Variants in GPD2 observed in about 807,000 individuals in gnomAD.
The protein encoded by GPD2 is glycerol-3-phosphate dehydrogenase, mitochondrial.
Under a neutral mutation model 82.4 loss-of-function variants are expected in GPD2, and 54 were observed. That is an observed-to-expected ratio of 0.66 (90% confidence interval 0.53 to 0.82). GPD2 has a LOEUF of 0.82. Among genes scored for constraint, GPD2 ranks in the 40% least tolerant of loss-of-function variants. The pLI, the probability that GPD2 is intolerant of heterozygous loss-of-function variation, is 0.00. For synonymous variants in GPD2, 288 were observed against 306.1 expected, an observed-to-expected ratio of 0.94 and a Z score of 0.62; for missense variants, 748 against 896.2, an observed-to-expected ratio of 0.83 and a Z score of 2.11.
At position 156,561,209 on chromosome 2, in the gene GPD2, G is replaced by A. The variant is rs192645905; in HGVS notation, c.1165+3627G>A. Among the ~76,000 whole-genome samples, 133 of 151,600 alleles carry A rather than the reference G, an allele frequency of 8.8e-4. 3 individuals carry two copies. The highest frequency in any genetic ancestry group is 2.3e-3 in the African/African-American group (93 of 41,326). On this transcript the variant is annotated intron_variant, in intron 9 of 16. Transcript: ENST00000438166. ...ATTACAGGCACACGCCACCACACCCGGCTAATTTTTGTATTTTTAGTACAG... is the reference window on the plus strand; with the variant it reads ...ATTACAGGCACACGCCACCACACCCAGCTAATTTTTGTATTTTTAGTACAG...
At chr2:156,426,532 A>C in the GPD2 span, among the ~76,000 whole-genome samples, 1 of 152,242 alleles carries the variant, frequency 6.6e-6, no homozygotes, top group Non-Finnish European at 1.5e-5. Context: ...GGGTAGGGAC[A>C]CAAAGCCTAA....
At chr2:156,553,571 A>C (rs1021691790) in intron 8 of GPD2, among the ~76,000 whole-genome samples, 18 of 152,104 alleles carry the variant, frequency 1.2e-4, no homozygotes, top group Non-Finnish European at 1.9e-4. Flanking sequence ...TGAAAATGAA[A>C]ATTGAAAGCC....
rs78078287 is a variant in GPD2, at chr2:156,535,629, G to A, written c.662-13979G>A. ...GGCTTACCTCTTTATTTGTGTAGCCGCCCTTTCTTGTCTTTTGTTACATCT... is the reference window on the plus strand; with the variant it reads ...GGCTTACCTCTTTATTTGTGTAGCCACCCTTTCTTGTCTTTTGTTACATCT... On this transcript the variant is annotated intron_variant, in intron 6 of 16. Transcript: ENST00000438166. 4.6e-4 allele frequency among the ~76,000 whole-genome samples: 70 copies of A among 152,004 alleles called. No individual in the cohort carries two copies. The East Asian group carries it at 0.012, about 27-fold the overall frequency.
chr2:156,475,158 A>T (rs1471338218), intron 1 of GPD2, among the ~76,000 whole-genome samples: 1 of 152,050 alleles, frequency 6.6e-6, no homozygotes, highest in Non-Finnish European at 1.5e-5. Flanking sequence ...GCACAAATAT[A>T]CAGTGAGTGC....
chr2:156,542,817 G>T (rs2105324496), intron 6 of GPD2, among the ~76,000 whole-genome samples: 1 of 152,190 alleles, frequency 6.6e-6, no homozygotes, highest in African/African-American at 2.4e-5. Context: ...TATAGCCCCT[G>T]CCCTAGGGAT....
rs184515003 is a variant in GPD2 at position 156,572,649 on chromosome 2, G to A, written c.1767+1357G>A. Among the ~76,000 whole-genome samples the A allele has an allele frequency of 1.7e-4, 26 of 152,252 alleles. No individual in the cohort carries two copies. The East Asian group carries it at 5.0e-3, about 29-fold the overall frequency. On this transcript the variant is annotated intron_variant, in intron 13 of 16. Coordinates refer to ENST00000438166, the MANE Select transcript of GPD2 (RefSeq NM_000408.5). ...ATATAGGGAGTTAATGTAGTCAGATGATGAAAACAGTCCAAAGGCCAAGCA... is the reference window on the plus strand; with the variant it reads ...ATATAGGGAGTTAATGTAGTCAGATAATGAAAACAGTCCAAAGGCCAAGCA...
the GPD2 span, among the ~76,000 whole-genome samples, chr2:156,425,133 G>A: frequency 6.7e-6 from 1 of 148,176 alleles, no homozygotes; most frequent in Non-Finnish European, 1.5e-5. Context: ...GCTCTTGCCC[G>A]TCACTCAGTC....
chr2:156,554,869 A>G (rs1406189477), intron 8 of GPD2, among the ~76,000 whole-genome samples: 1 of 152,228 alleles, frequency 6.6e-6, no homozygotes. Flanking sequence ...ATTTCAGTTT[A>G]ACTAAGGGCA....
chr2:156,501,283 G>A lies in GPD2; in HGVS notation c.274+5068G>A, dbSNP rs959254903. On this transcript the variant is annotated intron_variant, in intron 3 of 16. Transcript: ENST00000438166. ...AATTGTAGTTCTCTTGTTTACAAAT[G>A]GAGACTTTTATAAATGGTATTTGGC... 7.2e-4 allele frequency among the ~76,000 whole-genome samples: 109 copies of A among 152,096 alleles called. 1 individual carries two copies. The highest frequency in any genetic ancestry group is 2.6e-3 in the African/African-American group (107 of 41,504).
At chr2:156,550,975 T>C (rs959285348) in intron 8 of GPD2, among the ~76,000 whole-genome samples, 7 of 152,252 alleles carry the variant, frequency 4.6e-5, no homozygotes. Context: ...GGATCTATTT[T>C]TCTTTGTTCA....
chr2:156,528,464 T>A (rs951307613), intron 6 of GPD2, among the ~76,000 whole-genome samples: 1 of 151,694 alleles, frequency 6.6e-6, no homozygotes, highest in African/African-American at 2.4e-5. Context: ...ATACTTTAAG[T>A]TTTAGGGTAC....
intron 3 of GPD2, among the ~76,000 whole-genome samples, chr2:156,501,437 G>C (rs1174886060): frequency 6.6e-6 from 1 of 152,072 alleles, no homozygotes; most frequent in Non-Finnish European, 1.5e-5. Flanking sequence ...TGTGACCTTC[G>C]ACAAGTGGCT....
At chr2:156,545,402 A>G (rs1686490972) in intron 6 of GPD2, among the ~76,000 whole-genome samples, 1 of 152,226 alleles carries the variant, frequency 6.6e-6, no homozygotes, top group Non-Finnish European at 1.5e-5. Flanking sequence ...GTTTCTTACC[A>G]GCATCATTTT....
intron 1 of GPD2, among the ~76,000 whole-genome samples, chr2:156,446,808 C>A (rs182742180): frequency 5.6e-4 from 86 of 152,310 alleles, no homozygotes; most frequent in Non-Finnish European, 1.3e-4. Context: ...CCTGCCTTGG[C>A]CTCCCAAAGT....
At chr2:156,506,690 G>T (rs1684795817) in intron 3 of GPD2, among the ~76,000 whole-genome samples, 1 of 151,430 alleles carries the variant, frequency 6.6e-6, no homozygotes, top group South Asian at 2.1e-4. Flanking sequence ...ATTCTTCATT[G>T]CCCCAACTCC....
At chr2:156,552,952 T>C (rs1238985729) in intron 8 of GPD2, among the ~76,000 whole-genome samples, 5 of 144,262 alleles carry the variant, frequency 3.5e-5, no homozygotes, top group African/African-American at 1.3e-4. Flanking sequence ...TAGGCTGGAG[T>C]GCAGTGGTGC....
Position 156,579,156 on chromosome 2 carries a change from G to A in GPD2, c.1951G>A (p.Val651Ile). The change falls in exon 15 of 17, where the codon GTA becomes ATA. Residue 651 changes from valine (V) to isoleucine (I), a missense_variant. Physicochemically the swap from Val to Ile is conservative, Grantham distance 29. This residue lies in a region of GPD2 where 692 missense variants were observed against 809.7 expected (regional missense o/e 0.85). Transcript: ENST00000438166. Reference protein sequence around the residue: ...GFITIVDVQRVLESINVQMDE... With the variant: ...GFITIVDVQRILESINVQMDE... ...TATTACCATTGTTGATGTTCAGCGT[G>A]TATTAGAGGTAATTTTCTTTGGTTG... 2 of 1,587,596 alleles carry A rather than the reference G, an allele frequency of 1.3e-6. No individual in the cohort carries two copies. Among genetic ancestry groups the A allele is most frequent in the Non-Finnish European group, 1.7e-6 (2 of 1,156,394 alleles).
chr2:156,551,503 A>C (rs563449245), intron 8 of GPD2, among the ~76,000 whole-genome samples: 23 of 152,008 alleles, frequency 1.5e-4, no homozygotes, highest in African/African-American at 4.8e-4. Flanking sequence ...GGTGTAGAGC[A>C]TGTGTACTGT....
At position 156,512,323 on chromosome 2, in the gene GPD2, C is replaced by T; in HGVS notation, c.497+6C>T. The stretch of plus-strand genomic sequence containing the variant: ...ATAATGCTTCCAGTTTACAAGTAAG[C>T]CTTTTGATATCACCTGTATGCATTT... On this transcript the variant is annotated splice_donor_region_variant and intron_variant, in intron 5 of 16. Coordinates refer to ENST00000438166, the MANE Select transcript of GPD2 (RefSeq NM_000408.5). The T allele has an allele frequency of 1.5e-6, 2 of 1,369,478 alleles. No homozygotes were observed. Among genetic ancestry groups the T allele is most frequent in the Non-Finnish European group, 2.1e-6 (2 of 956,770 alleles). 84.8% of individuals were successfully genotyped at this position (1,369,478 alleles called of 1,614,324 possible). A position where few individuals can be genotyped will look rare whatever the true frequency, so the allele number is the denominator to read the frequency against.
Sources: gnomAD v4.1 joint callset for allele counts (sites outside exome capture counted in the v4.1 genomes callset) on GRCh38, gnomAD v4.1.1 for gene constraint, gnomAD v4.1.1 regional missense constraint, MANE v1.5 for transcripts, NCBI Gene and HGNC (gene_info 2026-07-23, HGNC 2026-07-21) for gene names.